Variants in CARD8 observed in about 807,000 individuals in gnomAD.
CARD8 encodes the protein caspase recruitment domain-containing protein 8.
A neutral mutation model predicts 53.2 loss-of-function variants in CARD8; 38 were observed. The ratio of observed to expected loss-of-function variants is 0.71; its 90% confidence interval spans 0.55 to 0.94. CARD8 has a LOEUF of 0.94. Ranked by LOEUF, CARD8 falls within the 40% of genes least tolerant of loss-of-function variation. The pLI is 0.00. For missense variants in CARD8, 561 were observed against 655.5 expected, an observed-to-expected ratio of 0.86 and a Z score of 1.57; for synonymous variants, 245 against 244.9, an observed-to-expected ratio of 1.00 and a Z score of 0.00.
intron 3 of CARD8, among the ~76,000 whole-genome samples, chr19:48,241,544 C>T (rs1042829499): frequency 6.6e-6 from 1 of 152,108 alleles, no homozygotes; most frequent in African/African-American, 2.4e-5. Context: ...CGTGAGCCAC[C>T]GTGCCCTGCC....
intron 12 of CARD8, 98 bp downstream of exon 12, chr19:48,218,773 G>A: frequency 2.3e-6 from 3 of 1,310,180 alleles, no homozygotes; most frequent in Non-Finnish European, 3.2e-6. Context: ...TTTCTTCTCT[G>A]GGAAAGAACC....
intron 1 of CARD8, among the ~76,000 whole-genome samples, chr19:48,250,751 C>T (rs1002436680): frequency 6.6e-6 from 1 of 152,142 alleles, no homozygotes; most frequent in Non-Finnish European, 1.5e-5. Context: ...GCTAAGTCTC[C>T]CTGGAGTCCA....
At chr19:48,206,575 A>G (rs571820657), downstream of CARD8, 42 of 458,042 alleles carry the variant, frequency 9.2e-5, no homozygotes, top group Non-Finnish European at 1.3e-4. Flanking sequence ...TCACGGGCCA[A>G]TCCTTCATAG....
intron 5 of CARD8, among the ~76,000 whole-genome samples, chr19:48,234,988 G>C (rs1300110478): frequency 6.6e-6 from 1 of 152,168 alleles, no homozygotes; most frequent in South Asian, 2.1e-4. Flanking sequence ...CAGGGCATTA[G>C]TGAGATTGGG....
chr19:48,230,491 C>A lies in CARD8; in HGVS notation c.982G>T (p.Glu328Ter). Residue 328 changes from glutamate (E) to a stop codon, truncating the protein, a stop_gained, in exon 10 of 14, where the codon GAA (glutamate) becomes TAA (stop). Coordinates refer to ENST00000651546, the MANE Select transcript of CARD8 (RefSeq NM_001184900.3). LOFTEE classifies it high-confidence loss of function. ...AGGTACAAGTGGAACTTAATATCTTCGGGGTGGGGGTGATAATAGATCAAT... is the reference window on the plus strand; with the variant it reads ...AGGTACAAGTGGAACTTAATATCTTAGGGGTGGGGGTGATAATAGATCAAT... ...NTLIYYHPHP[E>*]DIKFHLYLVP... 1 of 1,613,742 alleles carries A rather than the reference C, an allele frequency of 6.2e-7. No homozygotes were observed. The highest frequency in any genetic ancestry group is 8.5e-7 in the Non-Finnish European group (1 of 1,179,796).
intron 3 of CARD8, among the ~76,000 whole-genome samples, chr19:48,247,161 G>A (rs1000371141): frequency 5.9e-5 from 9 of 151,900 alleles, no homozygotes; most frequent in South Asian, 2.1e-4. Context: ...CCGTCTCTAC[G>A]AAAAATACAA....
rs2037963402 is a variant in CARD8 at position 48,211,513 on chromosome 19, G to C, written c.*197C>G. 2 of 571,676 alleles carry C rather than the reference G, an allele frequency of 3.5e-6. No individual in the cohort carries two copies. The highest frequency in any genetic ancestry group is 6.6e-5 in the Admixed American group (2 of 30,382). 35.4% of individuals were successfully genotyped at this position (571,676 alleles called of 1,614,324 possible). A position where few individuals can be genotyped will look rare whatever the true frequency, so the allele number is the denominator to read the frequency against. On this transcript the variant is annotated 3_prime_UTR_variant, in exon 14 of 14. Coordinates refer to ENST00000651546, the MANE Select transcript of CARD8 (RefSeq NM_001184900.3). ...AAAAGGAATATTACTACCTTCTTCA[G>C]ACATTCTTGAGGAAAATGCATGAGG...
chr19:48,238,976 A>T (rs1373633075), intron 4 of CARD8, among the ~76,000 whole-genome samples: 2 of 152,238 alleles, frequency 1.3e-5, no homozygotes, highest in Non-Finnish European at 2.9e-5. Context: ...CCTGATGTTC[A>T]TCACGGTCTG....
At chr19:48,212,392 C>G (rs2123827172) in intron 13 of CARD8, among the ~76,000 whole-genome samples, 1 of 152,244 alleles carries the variant, frequency 6.6e-6, no homozygotes, top group Middle Eastern at 3.4e-3. Flanking sequence ...GCTGGATCCC[C>G]AAAGCTTAGC....
intron 3 of CARD8, among the ~76,000 whole-genome samples, chr19:48,245,493 G>A (rs923507606): frequency 6.6e-6 from 1 of 152,056 alleles, no homozygotes; most frequent in Non-Finnish European, 1.5e-5. Flanking sequence ...GATTACAGGT[G>A]TCAGCCACCG....
downstream of CARD8, chr19:48,206,277 G>A (rs990972964): frequency 8.2e-5 from 28 of 342,928 alleles, no homozygotes; most frequent in Admixed American, 4.1e-4. Context: ...AACATTATGG[G>A]AAGTTGTATA....
At chr19:48,243,571 T>C (rs1053428966) in intron 3 of CARD8, among the ~76,000 whole-genome samples, 1 of 152,102 alleles carries the variant, frequency 6.6e-6, no homozygotes. Flanking sequence ...TACAAGCTTT[T>C]CCTTTGTTAT....
At chr19:48,238,113 AC>A in intron 5 of CARD8, 1 of 356,596 alleles carries the variant, frequency 2.8e-6, no homozygotes, top group South Asian at 3.4e-5. Flanking sequence ...CTGGTCTCAA[AC>A]TTTTGACCTC....
Position 48,230,671 on chromosome 19 carries a change from C to T in CARD8, c.802G>A (p.Val268Ile), listed in dbSNP as rs201339858. The change falls in exon 10 of 14, where the codon GTT (valine) becomes ATT (isoleucine). Residue 268 changes from valine (V) to isoleucine (I), a missense_variant. Coordinates refer to ENST00000651546, the MANE Select transcript of CARD8 (RefSeq NM_001184900.3). ...ATCCCTTCATTCTTAAAATGGGCAA[C>T]GAGAAACCAGGAGACGTCCACCTCA... Reference protein sequence around the residue: ...AGEVDVSWFLVAHFKNEGMVL... With the variant: ...AGEVDVSWFLIAHFKNEGMVL... The T allele has an allele frequency of 9.3e-4, 1,505 of 1,613,996 alleles. No homozygotes were observed. The highest frequency in any genetic ancestry group is 1.1e-3 in the Non-Finnish European group (1,341 of 1,179,954).
chr19:48,238,575 G>A (rs1445536903), intron 4 of CARD8, 43 bp from the exon 5 acceptor site: 10 of 1,522,290 alleles, frequency 6.6e-6, no homozygotes, highest in Non-Finnish European at 8.8e-6. Context: ...CATGTCAGAG[G>A]AGCTCGATGG....
intron 6 of CARD8, chr19:48,234,014 T>A (rs1431816287): frequency 6.1e-6 from 1 of 164,342 alleles, no homozygotes. Flanking sequence ...CCTTGGAAAT[T>A]GGCATACCCT....
At chr19:48,238,811 C>T (rs2044403660) in intron 4 of CARD8, among the ~76,000 whole-genome samples, 2 of 152,182 alleles carry the variant, frequency 1.3e-5, no homozygotes, top group Non-Finnish European at 2.9e-5. Flanking sequence ...TCAGAGATGT[C>T]TTAGAGATGC....
downstream of CARD8, among the ~76,000 whole-genome samples, chr19:48,205,317 C>T (rs2037303164): frequency 6.6e-6 from 1 of 152,136 alleles, no homozygotes; most frequent in South Asian, 2.1e-4. Context: ...TCAACCTCTG[C>T]TTCCCGGGTT....
At chr19:48,224,843 C>T (rs2041418916) in intron 10 of CARD8, among the ~76,000 whole-genome samples, 2 of 151,610 alleles carry the variant, frequency 1.3e-5, no homozygotes, top group South Asian at 4.2e-4. Context: ...GAAGCTCCAC[C>T]TCCCAGGTTC....
Sources: allele counts gnomAD v4.1 joint callset (sites outside exome capture counted in the v4.1 genomes callset), GRCh38; gene constraint gnomAD v4.1.1; transcripts MANE v1.5; gene names NCBI Gene and HGNC (gene_info 2026-07-23, HGNC 2026-07-21).